The following CSMD1 variants were observed in gnomAD, a reference collection of about 807,000 sequenced individuals.
CSMD1 encodes the protein CUB and sushi domain-containing protein 1.
A neutral mutation model predicts 417.5 loss-of-function variants in CSMD1; 213 were observed. The ratio of observed to expected loss-of-function variants is 0.51; its 90% CI spans 0.46 to 0.57. The LOEUF (loss-of-function observed/expected upper bound fraction) is 0.57, where lower values mean the gene tolerates loss of function less well. Among genes scored for constraint, CSMD1 ranks in the 20% least tolerant of loss-of-function variants. The pLI, the probability that CSMD1 is intolerant of heterozygous loss-of-function variation, is 0.00. For missense variants in CSMD1, 6,923 were observed against 4,529.7 expected, an observed-to-expected ratio of 1.53 and a Z score of -15.17; for synonymous variants, 2,862 against 1,736.8, an observed-to-expected ratio of 1.65 and a Z score of -16.11.
At position 3,038,690 on chromosome 8, in the gene CSMD1, C is replaced by T. The variant is rs1379494418; in HGVS notation, c.7661-9177G>A. Among the ~76,000 whole-genome samples, 19 of 141,426 alleles carry T rather than the reference C, an allele frequency of 1.3e-4. No homozygotes were observed. In the East Asian group the frequency reaches 3.3e-3, roughly 25 times the overall value. The allele number at this position is 141,426 out of a possible 152,430, so 92.8% of individuals were successfully genotyped here. On this transcript the variant is annotated intron_variant, in intron 50 of 69. Coordinates refer to ENST00000635120, the MANE Select transcript of CSMD1 (RefSeq NM_033225.6). ...TTAAGAATATCCTTAGAGCTCTTTG[C>T]TGAAAAAAAAATTCGCTTAAGTATT...
At chr8:4,841,509 TAAGTAA>T (rs1800833334) in intron 1 of CSMD1, among the ~76,000 whole-genome samples, 1 of 152,164 alleles carries the variant, frequency 6.6e-6, no homozygotes, top group Non-Finnish European at 1.5e-5. Context: ...TAAGTTTTCT[TAAGTAA>T]AATAAAAAGT....
chr8:4,038,938 G>T (rs917922180), intron 3 of CSMD1, among the ~76,000 whole-genome samples: 2 of 152,128 alleles, frequency 1.3e-5, no homozygotes, highest in African/African-American at 4.8e-5. Context: ...AGTACATATG[G>T]TCACAATTCA....
chr8:3,795,018 A>G (rs1167385774), intron 5 of CSMD1, among the ~76,000 whole-genome samples: 1 of 151,400 alleles, frequency 6.6e-6, no homozygotes, highest in Non-Finnish European at 1.5e-5. Context: ...ATACATATCT[A>G]TCATATATAG....
intron 1 of CSMD1, among the ~76,000 whole-genome samples, chr8:4,883,474 A>T (rs1803542011): frequency 6.6e-6 from 1 of 152,108 alleles, no homozygotes; most frequent in African/African-American, 2.4e-5. Context: ...CATGACCATT[A>T]GCAGTCAATT....
chr8:3,788,032 T>C (rs1364444468), intron 5 of CSMD1, among the ~76,000 whole-genome samples: 1 of 152,022 alleles, frequency 6.6e-6, no homozygotes, highest in Admixed American at 6.5e-5. Flanking sequence ...TTGGCTAGAG[T>C]CTTAACCTCA....
chr8:3,120,703 C>CGG (rs145611759), intron 41 of CSMD1, among the ~76,000 whole-genome samples: 10,380 of 138,172 alleles, frequency 0.075, 560 homozygotes, highest in African/African-American at 0.16. Flanking sequence ...AAAAATTAGC[C>CGG]AGGGGGGGTG....
chr8:4,275,062 C>G (rs1479674895), intron 3 of CSMD1, among the ~76,000 whole-genome samples: 4 of 152,092 alleles, frequency 2.6e-5, no homozygotes, highest in Non-Finnish European at 5.9e-5. Flanking sequence ...AGAAATTCTT[C>G]TAACAATGAG....
In CSMD1 at chr8:4,666,268, G is replaced by T. The variant is rs1208373004; in HGVS notation, c.86-28710C>A. Among the ~76,000 whole-genome samples the T allele has an allele frequency of 2.0e-5, 3 of 152,268 alleles. No homozygotes were observed. In the East Asian group the frequency reaches 5.8e-4, roughly 29 times the overall value. On this transcript the variant is annotated intron_variant, in intron 1 of 69. Transcript: ENST00000635120. ...CAAGGTAACAGATGGAATCACGGTTGCTAATAAGCTAACCTTAGAATAGAA... is the reference window on the plus strand; with the variant it reads ...CAAGGTAACAGATGGAATCACGGTTTCTAATAAGCTAACCTTAGAATAGAA...
At chr8:2,954,323 G>C in intron 64 of CSMD1, 55 bp from the exon 65 acceptor site, 2 of 1,132,340 alleles carry the variant, frequency 1.8e-6, no homozygotes, top group East Asian at 2.7e-5. Flanking sequence ...TTTTGAGTAA[G>C]TTTGAAAAAA....
At chr8:3,288,984 A>T (rs1203270750) in intron 25 of CSMD1, among the ~76,000 whole-genome samples, 1 of 143,032 alleles carries the variant, frequency 7.0e-6, no homozygotes, top group African/African-American at 3.0e-5. Flanking sequence ...CACTCCCCCT[A>T]CCCCACAACA....
chr8:3,329,104 A>C (rs1806723608), intron 23 of CSMD1, among the ~76,000 whole-genome samples: 1 of 152,130 alleles, frequency 6.6e-6, no homozygotes. Flanking sequence ...AGAAGATGCC[A>C]GATGTTGGCA....
intron 33 of CSMD1, among the ~76,000 whole-genome samples, chr8:3,193,545 A>C (rs895292954): frequency 6.6e-6 from 1 of 151,928 alleles, no homozygotes; most frequent in African/African-American, 2.4e-5. Flanking sequence ...TCACCTGGAC[A>C]TTTCAGACGG....
intron 3 of CSMD1, among the ~76,000 whole-genome samples, chr8:4,069,543 C>G (rs1454312723): frequency 5.9e-5 from 9 of 152,172 alleles, no homozygotes; most frequent in African/African-American, 2.2e-4. Context: ...TACCACCCTC[C>G]CTCTCCGCCT....
intron 10 of CSMD1, among the ~76,000 whole-genome samples, chr8:3,510,912 G>C (rs186024617): frequency 4.6e-5 from 7 of 151,764 alleles, no homozygotes; most frequent in African/African-American, 1.7e-4. Flanking sequence ...TTAGCCCTTC[G>C]TCAGAGATAC....
chr8:3,353,113 C>T (rs1205546677), intron 21 of CSMD1, among the ~76,000 whole-genome samples: 1 of 152,106 alleles, frequency 6.6e-6, no homozygotes, highest in Non-Finnish European at 1.5e-5. Context: ...GTAATTATTC[C>T]TATTGGCAGA....
At chr8:4,019,319 G>A (rs1023942552) in intron 4 of CSMD1, among the ~76,000 whole-genome samples, 1 of 152,140 alleles carries the variant, frequency 6.6e-6, no homozygotes, top group Non-Finnish European at 1.5e-5. Context: ...ATGTTTCTGT[G>A]TCTCTCTCTT....
rs945454184 is a variant in CSMD1, at chr8:4,231,928, T to C, written c.415+188025A>G. ...TTCTGAATCTCATACATAAAATATGTGTTTTCCTTCTTCCTTTTCTACCTC... is the reference window on the plus strand; with the variant it reads ...TTCTGAATCTCATACATAAAATATGCGTTTTCCTTCTTCCTTTTCTACCTC... On this transcript the variant is annotated intron_variant, in intron 3 of 69. Coordinates refer to ENST00000635120, the MANE Select transcript of CSMD1 (RefSeq NM_033225.6). 0.017 allele frequency among the ~76,000 whole-genome samples: 7 copies of C among 408 alleles called. No homozygotes were observed. In the Non-Finnish European group the frequency reaches 0.19, roughly 11 times the overall value. 0.3% of individuals were successfully genotyped at this position (408 alleles called of 152,430 possible).
At chr8:4,379,064 T>C (rs1802932176) in intron 3 of CSMD1, among the ~76,000 whole-genome samples, 1 of 152,198 alleles carries the variant, frequency 6.6e-6, no homozygotes. Context: ...AGGAATTTTA[T>C]AGTGGAGATA....
At chr8:3,743,480 G>C (rs945041816) in intron 6 of CSMD1, among the ~76,000 whole-genome samples, 2 of 152,192 alleles carry the variant, frequency 1.3e-5, no homozygotes, top group Non-Finnish European at 2.9e-5. Flanking sequence ...TATTGACTTA[G>C]AAGACTGGAA....
Sources: allele counts gnomAD v4.1 joint callset (sites outside exome capture counted in the v4.1 genomes callset), GRCh38; gene constraint gnomAD v4.1.1; transcripts MANE v1.5; gene names NCBI Gene and HGNC (gene_info 2026-07-23, HGNC 2026-07-21).